The following ABHD6 variants were observed in gnomAD, a reference collection of about 807,000 sequenced individuals.
ABHD6 encodes the protein monoacylglycerol lipase ABHD6.
Under a neutral mutation model 38.8 loss-of-function variants are expected in ABHD6, and 33 were observed. The ratio of observed to expected loss-of-function variants is 0.85; its 90% CI spans 0.64 to 1.14. The LOEUF is 1.14. Ranked by LOEUF, ABHD6 falls within the 50% of genes most tolerant of loss-of-function variation. The pLI is 0.00. For missense variants in ABHD6, 380 were observed against 422.6 expected (o/e 0.90, Z 0.88); for synonymous variants, 147 against 161.6 (o/e 0.91, Z 0.69).
At chr3:58,291,459 A>G (rs2097462901) in intron 9 of ABHD6, among the ~76,000 whole-genome samples, 1 of 152,206 alleles carries the variant, frequency 6.6e-6, no homozygotes, top group South Asian at 2.1e-4. Context: ...AGGTCTTACT[A>G]TGTTGGCCAG....
At chr3:58,272,423 T>C (rs549911719) in intron 6 of ABHD6, among the ~76,000 whole-genome samples, 1 of 152,318 alleles carries the variant, frequency 6.6e-6, no homozygotes, top group Admixed American at 6.5e-5. Flanking sequence ...CAGCCATGAA[T>C]TGAACATTTA....
At position 58,292,786 on chromosome 3, in the gene ABHD6, G is replaced by A. The variant is rs541278322; in HGVS notation, c.838-803G>A. Among the ~76,000 whole-genome samples the A allele has an allele frequency of 3.9e-5, 6 of 152,100 alleles. No individual in the cohort carries two copies. The East Asian group carries it at 5.8e-4, about 15-fold the overall frequency. On this transcript the variant is annotated intron_variant, in intron 9 of 9. Transcript: ENST00000478253. ...ACAAAAATTAGCTGGGCATGGTGGC[G>A]GGCACCTATAATCCCAGCTACTGGG...
intron 2 of ABHD6, among the ~76,000 whole-genome samples, chr3:58,255,862 C>T (rs1486113271): frequency 2.0e-5 from 3 of 151,522 alleles, no homozygotes; most frequent in Non-Finnish European, 4.4e-5. Context: ...CTAGGCTAGT[C>T]TCGAACTCCT....
chr3:58,240,247 T>A (rs13069379), intron 1 of ABHD6, among the ~76,000 whole-genome samples: 50,022 of 150,282 alleles, frequency 0.33, 9,089 homozygotes, highest in East Asian at 0.76. Context: ...TTTAAAAAAA[T>A]TTTTTTTTTT....
chr3:58,271,771 T>TTTTTTG (rs2097445182), intron 6 of ABHD6, among the ~76,000 whole-genome samples: 1 of 131,698 alleles, frequency 7.6e-6, no homozygotes, highest in African/African-American at 2.9e-5. Context: ...TCTCTGTTTT[T>TTTTTTG]TTTTTTTTTT....
At chr3:58,280,383 G>A (rs1234094183) in intron 7 of ABHD6, among the ~76,000 whole-genome samples, 1 of 151,568 alleles carries the variant, frequency 6.6e-6, no homozygotes, top group Non-Finnish European at 1.5e-5. Context: ...CATCAAATTG[G>A]CTATTGAAGC....
At chr3:58,290,299 C>A (rs2097461196) in intron 9 of ABHD6, among the ~76,000 whole-genome samples, 2 of 92,746 alleles carry the variant, frequency 2.2e-5, no homozygotes, top group Non-Finnish European at 4.4e-5. Flanking sequence ...GGGGGGCTGA[C>A]CCCCCCCACC....
chr3:58,262,576 C>T (rs1415611940), intron 3 of ABHD6, among the ~76,000 whole-genome samples: 2 of 152,166 alleles, frequency 1.3e-5, no homozygotes, highest in Admixed American at 6.6e-5. Flanking sequence ...TTCATTCATC[C>T]CACCTTAATT....
At chr3:58,274,971 G>C (rs758666108) in intron 7 of ABHD6, among the ~76,000 whole-genome samples, 156 bp downstream of exon 7, 1 of 152,228 alleles carries the variant, frequency 6.6e-6, no homozygotes, top group Non-Finnish European at 1.5e-5. Context: ...CCTGCAACAC[G>C]CTGGGCACTG....
rs1441647314 is a variant in ABHD6 at position 58,261,408 on chromosome 3, T to C, written c.119+4703T>C. ...CACTTTGGGAGGCAGAGGTGGGCGATTGCTTGAGCCCAGGAGTTTAAGACC... is the reference window on the plus strand; with the variant it reads ...CACTTTGGGAGGCAGAGGTGGGCGACTGCTTGAGCCCAGGAGTTTAAGACC... On this transcript the variant is annotated intron_variant, in intron 3 of 9. Transcript: ENST00000478253. 4.6e-5 allele frequency among the ~76,000 whole-genome samples: 7 copies of C among 152,252 alleles called. No individual in the cohort carries two copies. The East Asian group carries it at 7.7e-4, about 17-fold the overall frequency.
chr3:58,240,123 G>A (rs749325175), intron 1 of ABHD6, among the ~76,000 whole-genome samples: 1 of 151,900 alleles, frequency 6.6e-6, no homozygotes, highest in Non-Finnish European at 1.5e-5. Flanking sequence ...CTGCACTCCA[G>A]CCTAGGTGAA....
chr3:58,271,766 G>GTTTTTTGTTTTTT (rs2097445108), intron 6 of ABHD6, among the ~76,000 whole-genome samples: 1 of 63,618 alleles, frequency 1.6e-5, no homozygotes, highest in South Asian at 8.2e-4. Context: ...CCCTCTCTCT[G>GTTTTTTGTTTTTT]TTTTTTTTTT....
intron 1 of ABHD6, among the ~76,000 whole-genome samples, chr3:58,243,673 T>G (rs1390104965): frequency 6.6e-6 from 1 of 151,856 alleles, no homozygotes; most frequent in Admixed American, 6.6e-5. Flanking sequence ...GTTTTCTTTT[T>G]TTTTTGAGAC....
rs373121590 is a variant in ABHD6, at chr3:58,274,796, G to A, written c.662G>A (p.Arg221His). The change falls in exon 7 of 10, where the codon CGC becomes CAC. Residue 221 changes from arginine to histidine, a missense_variant. Physicochemically the swap from Arg to His is conservative, Grantham distance 29 (BLOSUM62 0). Coordinates refer to ENST00000478253, the MANE Select transcript of ABHD6 (RefSeq NM_001320126.2). The stretch of plus-strand genomic sequence containing the variant: ...ATGCTTCAGCTCTGCTCCTATGTCC[G>A]CTTCAAGGTGCCCCAGCAGGTAACG... Reference protein sequence around the residue: ...SEMLQLCSYVRFKVPQQILQG... With the variant: ...SEMLQLCSYVHFKVPQQILQG... 3.2e-5 allele frequency: 51 copies of A among 1,613,586 alleles called. No homozygotes were observed. The highest frequency in any genetic ancestry group is 4.5e-5 in the East Asian group (2 of 44,872).
rs780381443 is a variant in ABHD6, at chr3:58,269,817, G to A, written c.390+383G>A. ...GGGAGGGTGTTCTTCACATTATAAC[G>A]TACTTTAGCATCTATTGCTAGCACC... On this transcript the variant is annotated intron_variant, in intron 5 of 9. Coordinates refer to ENST00000478253, the MANE Select transcript of ABHD6 (RefSeq NM_001320126.2). This position sits in a 1 kb window ranked among gnomAD's most constrained non-coding sequence, Gnocchi z 4.4. Among the ~76,000 whole-genome samples, 50 of 152,200 alleles carry A rather than the reference G, an allele frequency of 3.3e-4. No homozygotes were observed. Among genetic ancestry groups the A allele is most frequent in the Non-Finnish European group, 2.9e-4 (20 of 68,016 alleles).
In ABHD6 at chr3:58,267,501, CA is replaced by C. The variant is rs1025795605; in HGVS notation, c.276+162del. ...ACAACATAAAGAAACCCTGTCTCTA[CA>C]AAAAATTAAAAAATTAGCCAGGTGT... On this transcript the variant is annotated intron_variant, in intron 4 of 9. Transcript: ENST00000478253. This position sits in a 1 kb window ranked among gnomAD's most constrained non-coding sequence, Gnocchi z 4.3. 2.6e-5 allele frequency among the ~76,000 whole-genome samples: 4 copies of C among 151,826 alleles called. No individual in the cohort carries two copies. Among genetic ancestry groups the C allele is most frequent in the Non-Finnish European group, 5.9e-5 (4 of 67,968 alleles).
At chr3:58,252,064 G>A (rs1462206294) in intron 2 of ABHD6, among the ~76,000 whole-genome samples, 1 of 152,038 alleles carries the variant, frequency 6.6e-6, no homozygotes, top group Admixed American at 6.6e-5. Flanking sequence ...CTGATGTGTG[G>A]AAGAGCCACG....
At chr3:58,239,513 C>T (rs1425150353) in intron 1 of ABHD6, among the ~76,000 whole-genome samples, 1 of 152,176 alleles carries the variant, frequency 6.6e-6, no homozygotes, top group Admixed American at 6.5e-5. Context: ...TCTCTATTTT[C>T]ATCTTTTTAT....
At chr3:58,239,079 A>G (rs2097421043) in intron 1 of ABHD6, among the ~76,000 whole-genome samples, 1 of 151,918 alleles carries the variant, frequency 6.6e-6, no homozygotes, top group African/African-American at 2.4e-5. Flanking sequence ...TTCCCAAGAC[A>G]CGAAGTGAGT....
Sources: gnomAD v4.1 joint callset for allele counts (sites outside exome capture counted in the v4.1 genomes callset) on GRCh38, gnomAD v4.1.1 for gene constraint, Gnocchi (gnomAD v3.1) non-coding constraint, MANE v1.5 for transcripts, NCBI Gene and HGNC (gene_info 2026-07-23, HGNC 2026-07-21) for gene names.